Variants in CYP7B1 observed in about 807,000 individuals in gnomAD.
The protein encoded by CYP7B1 is cytochrome P450 7B1.
A neutral mutation model predicts 42.7 loss-of-function variants in CYP7B1; 29 were observed. The ratio of observed to expected loss-of-function variants is 0.68; its 90% confidence interval spans 0.51 to 0.93. The LOEUF is 0.93. Ranked by LOEUF, CYP7B1 falls within the 40% of genes least tolerant of loss-of-function variation. CYP7B1 has a pLI of 0.00. For synonymous variants in CYP7B1, 235 were observed against 218.2 expected (o/e 1.08, Z -0.68); for missense variants, 655 against 600.5 (o/e 1.09, Z -0.95).
At chr8:64,643,098 C>CACATATATATACATATATATACATATAT (rs1563374148) in intron 1 of CYP7B1, among the ~76,000 whole-genome samples, 4 of 141,286 alleles carry the variant, frequency 2.8e-5, no homozygotes, top group African/African-American at 1.1e-4. Flanking sequence ...TATATATATA[C>CACATATATATACATATATATACATATAT]ACATATATAT....
At chr8:64,715,501 C>T (rs1337153525) in intron 1 of CYP7B1, among the ~76,000 whole-genome samples, 2 of 152,202 alleles carry the variant, frequency 1.3e-5, no homozygotes, top group Admixed American at 1.3e-4. Context: ...TCACTTTATT[C>T]CTCCTTATAG....
At chr8:64,798,391 TC>T in intron 1 of CYP7B1, 74 bp downstream of exon 1, 1 of 1,424,974 alleles carries the variant, frequency 7.0e-7, no homozygotes, top group South Asian at 1.5e-5. Flanking sequence ...GGAGGGGGAC[TC>T]CCCTCGCCAT....
chr8:64,701,158 T>C (rs6993251), intron 1 of CYP7B1, among the ~76,000 whole-genome samples: 2,136 of 152,132 alleles, frequency 0.014, 51 homozygotes, highest in African/African-American at 0.048. Flanking sequence ...ATCAAAACCC[T>C]TTCTTTGTAA....
intron 1 of CYP7B1, among the ~76,000 whole-genome samples, chr8:64,687,158 A>T (rs1210381118): frequency 2.0e-5 from 3 of 152,218 alleles, no homozygotes; most frequent in Admixed American, 6.5e-5. Context: ...AACATTAGGC[A>T]TAGTAGCCAA....
Position 64,593,122 on chromosome 8 carries a change from A to C in CYP7B1, c.*3520T>G, listed in dbSNP as rs1290401035. Among the ~76,000 whole-genome samples the C allele has an allele frequency of 3.9e-5, 6 of 152,178 alleles. No homozygotes were observed. The highest frequency in any genetic ancestry group is 3.9e-4 in the Admixed American group (6 of 15,268). ...TTAACATCACAAAAGTGTACCACTA[A>C]GTTGAATTTAAAGCTATGGAACTTC... On this transcript the variant is annotated 3_prime_UTR_variant, in exon 6 of 6. Coordinates refer to ENST00000310193, the MANE Select transcript of CYP7B1 (RefSeq NM_004820.5).
rs765443036 is a variant in CYP7B1, at chr8:64,604,747, C to T, written c.1168G>A (p.Gly390Arg). 6 of 1,614,112 alleles carry T rather than the reference C, an allele frequency of 3.7e-6. No homozygotes were observed. In the South Asian group the frequency reaches 4.4e-5, roughly 12 times the overall value. ...SETGDYCVRK[G>R]DLVAIFPPVL... ...GGAGGAAAGATGGCTACCAAGTCTC[C>T]CTTTCGCACACAGTAGTCCCCGGTC... Residue 390 changes from glycine (G) to arginine (R), a missense_variant, in exon 5 of 6, where the codon GGA becomes AGA. Coordinates refer to ENST00000310193, the MANE Select transcript of CYP7B1 (RefSeq NM_004820.5).
At chr8:64,691,473 G>A (rs974510770) in intron 1 of CYP7B1, among the ~76,000 whole-genome samples, 3 of 86,558 alleles carry the variant, frequency 3.5e-5, no homozygotes, top group Non-Finnish European at 5.1e-5. Flanking sequence ...GTATGGTTGC[G>A]ATGGCAACTG....
chr8:64,626,301 G>T (rs564923953), intron 1 of CYP7B1, among the ~76,000 whole-genome samples: 3 of 152,198 alleles, frequency 2.0e-5, no homozygotes, highest in Non-Finnish European at 4.4e-5. Context: ...AGAGCTGACA[G>T]ACATTGTGTG....
intron 1 of CYP7B1, among the ~76,000 whole-genome samples, chr8:64,746,148 T>C (rs2129633384): frequency 6.6e-6 from 1 of 152,286 alleles, no homozygotes; most frequent in Non-Finnish European, 1.5e-5. Context: ...AAAATCCCTT[T>C]CTTAAGTCAA....
chr8:64,688,912 C>T (rs986953148), intron 1 of CYP7B1, among the ~76,000 whole-genome samples: 8 of 151,984 alleles, frequency 5.3e-5, no homozygotes, highest in South Asian at 2.1e-4. Context: ...GGTGATGGAG[C>T]GAGACCCCAT....
intron 1 of CYP7B1, among the ~76,000 whole-genome samples, chr8:64,629,459 C>T (rs565113422): frequency 2.6e-5 from 4 of 151,942 alleles, no homozygotes; most frequent in East Asian, 1.9e-4. Context: ...ATTAGGTGAC[C>T]GAATATATGT....
At chr8:64,684,314 G>C (rs1034108306) in intron 1 of CYP7B1, among the ~76,000 whole-genome samples, 2 of 152,182 alleles carry the variant, frequency 1.3e-5, no homozygotes, top group African/African-American at 2.4e-5. Context: ...GTGGTGCTGA[G>C]CAAGTTGTTT....
At chr8:64,764,229 G>GCTCCCCCCCCCCCCCCCCCCCCCCCCCCC (rs1554539986) in intron 1 of CYP7B1, among the ~76,000 whole-genome samples, 2 of 125,146 alleles carry the variant, frequency 1.6e-5, no homozygotes, top group Admixed American at 8.8e-5. Context: ...CTTCCACGCT[G>GCTCCCCCCCCCCCCCCCCCCCCCCCCCCC]CCCCCCCCAC....
downstream of CYP7B1, among the ~76,000 whole-genome samples, chr8:64,587,506 G>C (rs1804984191): frequency 6.6e-6 from 1 of 152,208 alleles, no homozygotes; most frequent in Non-Finnish European, 1.5e-5. Flanking sequence ...GCTTGTAAGA[G>C]GCACCCCGCA....
intron 1 of CYP7B1, among the ~76,000 whole-genome samples, chr8:64,748,765 C>T (rs550566971): frequency 6.6e-6 from 1 of 152,284 alleles, no homozygotes; most frequent in Non-Finnish European, 1.5e-5. Flanking sequence ...TTATCTGCAC[C>T]CATGACTTCA....
rs1377472407 is a variant in CYP7B1 at position 64,611,560 on chromosome 8, A to ACT, written c.1057+3464_1057+3465dup. Among the ~76,000 whole-genome samples the ACT allele has an allele frequency of 5.3e-5, 8 of 151,998 alleles. No individual in the cohort carries two copies. In the East Asian group the frequency reaches 1.5e-3, roughly 29 times the overall value. ...AATCTTTCATCAAATTTCGATGTGG[A>ACT]CTCACTGCAAGCTCATACTTCTAGA... is the stretch of plus-strand genomic sequence containing the variant. On this transcript the variant is annotated intron_variant, in intron 4 of 5. Transcript: ENST00000310193.
chr8:64,606,338 A>G (rs1796267752), intron 4 of CYP7B1, among the ~76,000 whole-genome samples: 2 of 152,236 alleles, frequency 1.3e-5, no homozygotes, highest in Non-Finnish European at 2.9e-5. Flanking sequence ...TGTGGTGAAA[A>G]GCAAGGCTCG....
intron 1 of CYP7B1, among the ~76,000 whole-genome samples, chr8:64,698,846 AG>A (rs1806871190): frequency 6.6e-6 from 1 of 152,196 alleles, no homozygotes; most frequent in Admixed American, 6.5e-5. Context: ...ATAGTTTTAA[AG>A]ACTCCTATCA....
chr8:64,790,151 C>A (rs1186218515), intron 1 of CYP7B1, among the ~76,000 whole-genome samples: 3 of 152,112 alleles, frequency 2.0e-5, no homozygotes, highest in African/African-American at 7.2e-5. Flanking sequence ...TTTACACAAA[C>A]AAGCAATAAC....
Sources: allele counts gnomAD v4.1 joint callset (sites outside exome capture counted in the v4.1 genomes callset), GRCh38; gene constraint gnomAD v4.1.1; transcripts MANE v1.5; gene names NCBI Gene and HGNC (gene_info 2026-07-23, HGNC 2026-07-21).